Variants in PALM2AKAP2 observed in about 807,000 individuals in gnomAD.
The protein encoded by PALM2AKAP2 is PALM2 and AKAP2 fusion.
Under a neutral mutation model 71.5 loss-of-function variants are expected in PALM2AKAP2, and 37 were observed. The ratio of observed to expected loss-of-function variants is 0.52; its 90% CI spans 0.40 to 0.68. PALM2AKAP2 has a LOEUF of 0.68. PALM2AKAP2 is among the 30% of genes least tolerant of loss of function. The pLI is 0.00. For synonymous variants in PALM2AKAP2, 468 were observed against 478.8 expected (o/e 0.98, Z 0.29); for missense variants, 1,224 against 1,191.8 (o/e 1.03, Z -0.40).
chr9:109,755,675 A>G (rs907210592), intron 1 of PALM2AKAP2, among the ~76,000 whole-genome samples: 6 of 151,986 alleles, frequency 3.9e-5, no homozygotes, highest in African/African-American at 9.7e-5. Flanking sequence ...GAAAAGCAAA[A>G]TAAAATAGTC....
intron 3 of PALM2AKAP2, among the ~76,000 whole-genome samples, chr9:109,905,488 G>C (rs34497787): frequency 0.099 from 15,061 of 152,332 alleles, 906 homozygotes; most frequent in East Asian, 0.17. Flanking sequence ...AGAGATGCCA[G>C]AGAGAATGCA....
At chr9:109,668,351 T>C (rs1827521724) in intron 1 of PALM2AKAP2, among the ~76,000 whole-genome samples, 1 of 152,182 alleles carries the variant, frequency 6.6e-6, no homozygotes, top group Non-Finnish European at 1.5e-5. Context: ...AGAGGAAAAC[T>C]TAATTTGCTG....
exon 4 of PALM2AKAP2, chr9:110,171,023 T>C (rs146155403): frequency 5.4e-4 from 83 of 152,382 alleles, no homozygotes; most frequent in African/African-American, 1.8e-3. Flanking sequence ...ATGGATCTGG[T>C]AGAGACCATA....
rs753684630 is a variant in PALM2AKAP2 at position 109,780,563 on chromosome 9, T to G, written c.45+30T>G. The G allele has an allele frequency of 1.8e-5, 29 of 1,613,152 alleles. 1 individual carries two copies. In the Admixed American group the frequency reaches 3.7e-4, roughly 20 times the overall value. On this transcript the variant is annotated intron_variant, in intron 1 of 9. Transcript: ENST00000302798. ...GTCCACTTTCATTTTATTTTCTTGC[T>G]CTATTGTCTGGGGTGGAAGGGGGCC...
At position 109,981,888 on chromosome 9, in the gene PALM2AKAP2, G is replaced by A. The variant is rs1002621137; in HGVS notation, c.497-34066G>A. 2.6e-5 allele frequency among the ~76,000 whole-genome samples: 4 copies of A among 152,126 alleles called. 1 individual carries two copies. In the South Asian group the frequency reaches 6.2e-4, roughly 24 times the overall value. Reference sequence around the variant, plus strand: ...TACAACCACTATGGAGAACAGTTTAGAAGTTTCTCAAAAAACTAAAATTAG... The same window carrying A: ...TACAACCACTATGGAGAACAGTTTAAAAGTTTCTCAAAAAACTAAAATTAG... On this transcript the variant is annotated intron_variant, in intron 6 of 9. Transcript: ENST00000302798.
At chr9:110,111,161 G>A (rs1445367045) in intron 1 of PALM2AKAP2, among the ~76,000 whole-genome samples, 2 of 127,262 alleles carry the variant, frequency 1.6e-5, no homozygotes, top group African/African-American at 3.0e-5. Flanking sequence ...GCAAGATTAC[G>A]GCTCACTGCA....
chr9:110,132,894 G>A (rs1403218024), intron 1 of PALM2AKAP2, among the ~76,000 whole-genome samples: 1 of 152,236 alleles, frequency 6.6e-6, no homozygotes, highest in African/African-American at 2.4e-5. Flanking sequence ...ACAGGCATGA[G>A]CTATTATTGC....
At chr9:109,831,106 TTC>T (rs1828287681) in intron 1 of PALM2AKAP2, among the ~76,000 whole-genome samples, 1 of 150,920 alleles carries the variant, frequency 6.6e-6, no homozygotes, top group Non-Finnish European at 1.5e-5. Flanking sequence ...TTCTAATGCA[TTC>T]TTTTTTCCCA....
rs867370816 is a variant in PALM2AKAP2, at chr9:109,824,455, C to A, written c.46-43036C>A. 3.9e-5 allele frequency among the ~76,000 whole-genome samples: 6 copies of A among 152,336 alleles called. No individual in the cohort carries two copies. In the Middle Eastern group the frequency reaches 0.017, roughly 432 times the overall value. On this transcript the variant is annotated intron_variant, in intron 1 of 9. Coordinates refer to the PALM2AKAP2 transcript ENST00000302798. The stretch of plus-strand genomic sequence containing the variant: ...CTGTGACCATAACCTCTGATACTGT[C>A]ATTTCTTCTTTCCAAAGTCTTGGCT...
chr9:110,146,970 T>C (rs1466501235), intron 2 of PALM2AKAP2, among the ~76,000 whole-genome samples: 3 of 152,078 alleles, frequency 2.0e-5, no homozygotes, highest in Non-Finnish European at 4.4e-5. Flanking sequence ...AGTATAAATC[T>C]ATGTGCGAGG....
At chr9:110,094,246 A>C (rs1490345446) in intron 1 of PALM2AKAP2, among the ~76,000 whole-genome samples, 1 of 152,182 alleles carries the variant, frequency 6.6e-6, no homozygotes, top group Non-Finnish European at 1.5e-5. Context: ...ACAATGCACC[A>C]CTGTAGGGTA....
chr9:110,148,210 T>G (rs1836225879), intron 2 of PALM2AKAP2, among the ~76,000 whole-genome samples: 1 of 152,180 alleles, frequency 6.6e-6, no homozygotes, highest in South Asian at 2.1e-4. Context: ...GGCCTTAAAC[T>G]CTGCTTGCCC....
Position 110,156,511 on chromosome 9 carries a change from C to A in PALM2AKAP2, c.2748+14C>A, listed in dbSNP as rs770956428. 3 of 1,585,130 alleles carry A rather than the reference C, an allele frequency of 1.9e-6. No homozygotes were observed. Among genetic ancestry groups the A allele is most frequent in the Non-Finnish European group, 2.6e-6 (3 of 1,162,860 alleles). On this transcript the variant is annotated intron_variant, in intron 3 of 3. Coordinates refer to ENST00000374525, the Ensembl canonical transcript of PALM2AKAP2. ...GATGATAGTAGTGTAAGTTTTTCCT[C>A]CTTTCCTCTTTCACTTCTCTGAGCG... is the stretch of plus-strand genomic sequence containing the variant.
At chr9:109,807,535 A>C in intron 1 of PALM2AKAP2, among the ~76,000 whole-genome samples, 1 of 149,696 alleles carries the variant, frequency 6.7e-6, no homozygotes, top group African/African-American at 2.5e-5. Flanking sequence ...ACATGGTGGA[A>C]GGGGCAAGGC....
At chr9:110,149,816 A>G (rs1836267030) in intron 2 of PALM2AKAP2, among the ~76,000 whole-genome samples, 1 of 152,236 alleles carries the variant, frequency 6.6e-6, no homozygotes, top group Non-Finnish European at 1.5e-5. Context: ...CACATGCATT[A>G]TCTTACAGCT....
intron 1 of PALM2AKAP2, among the ~76,000 whole-genome samples, chr9:109,808,013 T>A (rs1827627609): frequency 6.6e-6 from 1 of 152,222 alleles, no homozygotes; most frequent in African/African-American, 2.4e-5. Flanking sequence ...TCCGCAGCCA[T>A]ATGGAACTGT....
chr9:110,010,955 C>A (rs1832870612), intron 6 of PALM2AKAP2, among the ~76,000 whole-genome samples: 1 of 127,412 alleles, frequency 7.8e-6, no homozygotes. Context: ...AAGATGGTGC[C>A]ATTGCACTCC....
chr9:109,959,010 T>A (rs1831800761), intron 6 of PALM2AKAP2, among the ~76,000 whole-genome samples: 1 of 152,206 alleles, frequency 6.6e-6, no homozygotes. Flanking sequence ...GCCTGCCATC[T>A]TTGTGCCCTC....
intron 1 of PALM2AKAP2, among the ~76,000 whole-genome samples, chr9:109,709,547 T>G (rs1828194912): frequency 6.6e-6 from 1 of 152,168 alleles, no homozygotes; most frequent in Non-Finnish European, 1.5e-5. Context: ...CATACAACTC[T>G]GTGAACAGAC....
Sources: allele counts gnomAD v4.1 joint callset (sites outside exome capture counted in the v4.1 genomes callset), GRCh38; gene constraint gnomAD v4.1.1; transcripts MANE v1.5; gene names NCBI Gene and HGNC (gene_info 2026-07-23, HGNC 2026-07-21).